The following WT1 variants were observed in gnomAD, a reference collection of about 807,000 sequenced individuals.
The protein encoded by WT1 is WT1 transcription factor.
In WT1, 8 loss-of-function variants were observed where a neutral mutation model predicts 60.8. That is an observed-to-expected ratio of 0.13 (90% CI 0.08 to 0.24). WT1 has a LOEUF of 0.24. Ranked by LOEUF, WT1 falls within the 10% of genes least tolerant of loss-of-function variation. The pLI is 1.00. For missense variants in WT1, 568 were observed against 711.8 expected, an observed-to-expected ratio of 0.80 and a Z score of 2.30; for synonymous variants, 312 against 297.1, an observed-to-expected ratio of 1.05 and a Z score of -0.52.
chr11:32,430,962 A>C, intron 1 of WT1: 1 of 681,516 alleles, frequency 1.5e-6, no homozygotes, highest in Admixed American at 5.1e-5. Flanking sequence ...GGCTGGAAGG[A>C]GCAGCGTGTT....
intron 1 of WT1, 31 bp downstream of exon 1, chr11:32,434,669 G>A (rs1003636057): frequency 8.7e-6 from 14 of 1,612,150 alleles, no homozygotes; most frequent in African/African-American, 6.7e-5. Context: ...CCACTGCCCC[G>A]CGCGTAGGGG....
At chr11:32,417,188 C>G (rs1852701584) in intron 4 of WT1, among the ~76,000 whole-genome samples, 1 of 152,118 alleles carries the variant, frequency 6.6e-6, no homozygotes, top group African/African-American at 2.4e-5. Context: ...CAGCATCACA[C>G]AAATACAAAT....
At chr11:32,424,932 C>T (rs1406438237) in intron 3 of WT1, among the ~76,000 whole-genome samples, 1 of 152,172 alleles carries the variant, frequency 6.6e-6, no homozygotes. Flanking sequence ...AATCCCAGCA[C>T]TTTTCGAGGC....
intron 3 of WT1, among the ~76,000 whole-genome samples, chr11:32,427,239 C>T (rs1313944565): frequency 1.3e-5 from 2 of 152,236 alleles, no homozygotes; most frequent in Admixed American, 6.5e-5. Flanking sequence ...GCCAAGTTCA[C>T]CCAAAGTTGA....
intron 1 of WT1, chr11:32,428,873 T>C (rs1853165097): frequency 1.6e-5 from 9 of 572,710 alleles, no homozygotes; most frequent in Non-Finnish European, 2.2e-5. Context: ...CCAATTTATT[T>C]ATGCCGCAGT....
At position 32,391,952 on chromosome 11, in the gene WT1, G is replaced by T; in HGVS notation, c.1447+20C>A. 6.2e-7 allele frequency: 1 copy of T among 1,604,064 alleles called. No homozygotes were observed. The highest frequency in any genetic ancestry group is 8.5e-7 in the Non-Finnish European group (1 of 1,171,014). Reference sequence around the variant, plus strand: ...TTTAAAAAAATAATGAAAAATAAATGTGAAGAAAAGTTTACGCACTTGTTT... The same window carrying T: ...TTTAAAAAAATAATGAAAAATAAATTTGAAGAAAAGTTTACGCACTTGTTT... On this transcript the variant is annotated intron_variant, in intron 9 of 9. Coordinates refer to ENST00000452863, the MANE Select transcript of WT1 (RefSeq NM_024426.6).
intron 6 of WT1, among the ~76,000 whole-genome samples, chr11:32,398,249 G>A (rs1307360446): frequency 6.6e-6 from 1 of 152,164 alleles, no homozygotes; most frequent in African/African-American, 2.4e-5. Flanking sequence ...CGTATCATGT[G>A]GGGTCTGGCC....
At chr11:32,429,462 T>TCCCCC (rs10580209) in intron 1 of WT1, among the ~76,000 whole-genome samples, 1 of 124,718 alleles carries the variant, frequency 8.0e-6, no homozygotes, top group Admixed American at 8.4e-5. Context: ...ATCCTAGCAT[T>TCCCCC]CCCCCCCCCC....
intron 3 of WT1, among the ~76,000 whole-genome samples, chr11:32,423,307 C>G (rs1349048519): frequency 6.6e-6 from 1 of 152,248 alleles, no homozygotes; most frequent in Non-Finnish European, 1.5e-5. Flanking sequence ...CTGGGCTGAA[C>G]TTCACCCCAA....
chr11:32,396,573 T>C (rs542298033), intron 6 of WT1, among the ~76,000 whole-genome samples, 166 bp from the exon 7 acceptor site: 1 of 152,222 alleles, frequency 6.6e-6, no homozygotes, highest in Admixed American at 6.5e-5. Context: ...ACATCAGTAA[T>C]GGATGCTAGA....
chr11:32,395,281 A>ACCACACTC (rs1851932888), intron 7 of WT1, among the ~76,000 whole-genome samples: 1 of 152,210 alleles, frequency 6.6e-6, no homozygotes. Context: ...CCTGGGTTTT[A>ACCACACTC]CCACACTCCC....
rs1300870507 is a variant in WT1 at position 32,388,312 on chromosome 11, C to G, written c.*746G>C. On this transcript the variant is annotated 3_prime_UTR_variant, in exon 10 of 10. Coordinates refer to ENST00000452863, the MANE Select transcript of WT1 (RefSeq NM_024426.6). ...ACATCTATAAAGACACATATGATTA[C>G]CACTCAAAAGAGTCAAAAACATACA... 1 of 233,566 alleles carries G rather than the reference C, an allele frequency of 4.3e-6. No individual in the cohort carries two copies. The highest frequency in any genetic ancestry group is 8.5e-6 in the Non-Finnish European group (1 of 118,174). The allele number at this position is 233,566 out of a possible 1,614,324, so 14.5% of individuals were successfully genotyped here.
intron 1 of WT1, chr11:32,430,681 C>T (rs1167362752): frequency 2.8e-6 from 4 of 1,432,896 alleles, no homozygotes; most frequent in Non-Finnish European, 3.6e-6. Context: ...CCCCAGAACT[C>T]GGGCCCAAGG....
chr11:32,428,800 G>T, intron 1 of WT1, 181 bp from the exon 2 acceptor site: 2 of 883,786 alleles, frequency 2.3e-6, no homozygotes, highest in South Asian at 1.5e-5. Context: ...CCAAGTCCCT[G>T]GATGTGACCT....
Position 32,435,414 on chromosome 11 carries a change from TG to T in WT1, c.-55del. The T allele has an allele frequency of 3.0e-5, 1 of 32,862 alleles. No individual in the cohort carries two copies. The highest frequency in any genetic ancestry group is 3.7e-5 in the Non-Finnish European group (1 of 27,380). 2.0% of individuals were successfully genotyped at this position (32,862 alleles called of 1,614,324 possible). Reference sequence around the variant, plus strand: ...GGCGCCTGGGCTGCCGTCCCGGCTCTGGGTGGGTGGGTGGGTGAATGAGTAG... The same window carrying T: ...GGCGCCTGGGCTGCCGTCCCGGCTCTGGTGGGTGGGTGGGTGAATGAGTAG... On this transcript the variant is annotated 5_prime_UTR_variant, in exon 1 of 10. Transcript: ENST00000452863.
At chr11:32,425,933 A>T (rs1337324865) in intron 3 of WT1, among the ~76,000 whole-genome samples, 1 of 152,236 alleles carries the variant, frequency 6.6e-6, no homozygotes, top group East Asian at 1.9e-4. Flanking sequence ...CTACTTCCCT[A>T]GCAACCACAA....
chr11:32,409,685 G>A (rs1333451568), intron 5 of WT1, among the ~76,000 whole-genome samples: 1 of 151,776 alleles, frequency 6.6e-6, no homozygotes, highest in East Asian at 1.9e-4. Context: ...GGCTGGTCTT[G>A]AATTCCTGCC....
At chr11:32,422,647 A>G (rs536107200) in intron 3 of WT1, among the ~76,000 whole-genome samples, 5 of 152,308 alleles carry the variant, frequency 3.3e-5, no homozygotes, top group East Asian at 1.9e-4. Context: ...CAGAAACTCT[A>G]TGGCTGCTGA....
At chr11:32,425,627 G>A (rs1263985390) in intron 3 of WT1, among the ~76,000 whole-genome samples, 1 of 152,176 alleles carries the variant, frequency 6.6e-6, no homozygotes, top group African/African-American at 2.4e-5. Flanking sequence ...TGTTAATTTA[G>A]AGTGAATGGA....
Sources: allele counts gnomAD v4.1 joint callset (sites outside exome capture counted in the v4.1 genomes callset), GRCh38; gene constraint gnomAD v4.1.1; transcripts MANE v1.5; gene names NCBI Gene and HGNC (gene_info 2026-07-23, HGNC 2026-07-21).